NAV2: variants seen among roughly 807,000 people sequenced by gnomAD.
NAV2 encodes helicase, APC down-regulated 1.
Under a neutral mutation model 223.2 loss-of-function variants are expected in NAV2, and 54 were observed. The observed-to-expected ratio is 0.24, with a 90% CI of 0.19 to 0.30. The LOEUF (loss-of-function observed/expected upper bound fraction) is 0.30. Among genes scored for constraint, NAV2 ranks in the 10% least tolerant of loss-of-function variants. The pLI, the probability that NAV2 is intolerant of heterozygous loss-of-function variation, is 1.00. For missense variants in NAV2, 2,806 were observed against 3,147.5 expected (o/e 0.89, Z 2.60); for synonymous variants, 1,279 against 1,239.3 (o/e 1.03, Z -0.67).
At chr11:20,087,794 G>T (rs756230275) in intron 26 of NAV2, among the ~76,000 whole-genome samples, 34 of 152,102 alleles carry the variant, frequency 2.2e-4, no homozygotes, top group Non-Finnish European at 4.3e-4. Context: ...ATTTTTACAT[G>T]GTGCAGTCTT....
chr11:19,791,437 C>T (rs1372682697), intron 1 of NAV2, among the ~76,000 whole-genome samples: 4 of 152,124 alleles, frequency 2.6e-5, no homozygotes, highest in Non-Finnish European at 5.9e-5. Context: ...AGGTGTGGAG[C>T]CCCTGGGGAG....
intron 3 of NAV2, among the ~76,000 whole-genome samples, chr11:19,847,318 TAGG>T (rs1422264390): frequency 1.3e-5 from 2 of 152,178 alleles, no homozygotes; most frequent in African/African-American, 4.8e-5. Context: ...TGTTGTTGAT[TAGG>T]AGAAGTGCAA....
chr11:19,638,877 C>T (rs2047578386), intron 1 of NAV2, among the ~76,000 whole-genome samples: 2 of 152,160 alleles, frequency 1.3e-5, no homozygotes, highest in African/African-American at 4.8e-5. Context: ...CCTGTAATCC[C>T]AGCTACTCAG....
chr11:19,746,125 A>T (rs1386441012), intron 1 of NAV2, among the ~76,000 whole-genome samples: 1 of 152,240 alleles, frequency 6.6e-6, no homozygotes, highest in Non-Finnish European at 1.5e-5. Flanking sequence ...ATAGAATCAT[A>T]GGGTCAGGTC....
At chr11:19,862,502 G>A (rs757528651) in intron 3 of NAV2, among the ~76,000 whole-genome samples, 53 of 152,350 alleles carry the variant, frequency 3.5e-4, no homozygotes, top group East Asian at 1.5e-3. Flanking sequence ...ATGACAGGAC[G>A]AAGTTGGCTT....
intron 20 of NAV2, among the ~76,000 whole-genome samples, chr11:20,066,063 G>C (rs2059026332): frequency 6.6e-6 from 1 of 152,184 alleles, no homozygotes; most frequent in Non-Finnish European, 1.5e-5. Context: ...GAAAGCAATA[G>C]TATTAGTACC....
rs1294841592 is a variant in NAV2 at position 20,055,931 on chromosome 11, G to T, written c.4805G>T (p.Gly1602Val). The T allele has an allele frequency of 6.2e-7, 1 of 1,613,922 alleles. No homozygotes were observed. Among genetic ancestry groups the T allele is most frequent in the Non-Finnish European group, 8.5e-7 (1 of 1,180,028 alleles). Residue 1602 changes from glycine to valine, a missense_variant, in exon 19 of 38, where the codon GGC becomes GTC. Physicochemically the swap from Gly to Val is moderately radical, Grantham distance 109 (BLOSUM62 -3). Coordinates refer to ENST00000349880, the MANE Select transcript of NAV2 (RefSeq NM_145117.5). The part of the protein sequence containing the change: ...DEKSRTMSRS[G>V]SFRDGFEEVH... ...AAGAGCAGAACCATGAGCCGTTCAG[G>T]CTCATTCCGGGATGGGTTTGAAGAA...
intron 5 of NAV2, among the ~76,000 whole-genome samples, chr11:19,890,851 G>A (rs781648851): frequency 2.1e-4 from 32 of 152,194 alleles, no homozygotes; most frequent in Non-Finnish European, 1.3e-4. Flanking sequence ...TTTGTACTCC[G>A]TTCTGTGCCT....
chr11:19,443,931 C>CGTT (rs1463904680), intron 1 of NAV2, among the ~76,000 whole-genome samples: 6 of 152,010 alleles, frequency 3.9e-5, no homozygotes, highest in African/African-American at 1.5e-4. Context: ...TTATTATTAT[C>CGTT]GTTATTATTA....
chr11:20,098,703 T>G (rs1179483174), intron 31 of NAV2, among the ~76,000 whole-genome samples: 1 of 152,184 alleles, frequency 6.6e-6, no homozygotes, highest in Admixed American at 6.5e-5. Flanking sequence ...TCACACAGCC[T>G]CCTCCTGCTA....
At chr11:19,850,315 G>T (rs980560753) in intron 3 of NAV2, among the ~76,000 whole-genome samples, 1 of 152,050 alleles carries the variant, frequency 6.6e-6, no homozygotes, top group African/African-American at 2.4e-5. Context: ...CTCTCTTGTG[G>T]TTGTCTGTTT....
At chr11:19,493,254 A>C (rs1386998955) in intron 1 of NAV2, among the ~76,000 whole-genome samples, 2 of 151,846 alleles carry the variant, frequency 1.3e-5, no homozygotes, top group African/African-American at 4.8e-5. Context: ...AATTAAAGGT[A>C]TCTGCACCAC....
At chr11:19,833,869 C>T (rs1211643687) in intron 2 of NAV2, among the ~76,000 whole-genome samples, 1 of 152,164 alleles carries the variant, frequency 6.6e-6, no homozygotes, top group Non-Finnish European at 1.5e-5. Flanking sequence ...TGGAGGCCAC[C>T]ATCACCTCCT....
At chr11:19,993,719 CAGGT>C (rs1363793207) in intron 11 of NAV2, among the ~76,000 whole-genome samples, 1 of 152,182 alleles carries the variant, frequency 6.6e-6, no homozygotes, top group African/African-American at 2.4e-5. Flanking sequence ...GAAGAGTGAG[CAGGT>C]AAAATTGTCT....
intron 1 of NAV2, among the ~76,000 whole-genome samples, chr11:19,488,625 T>C (rs2046577): frequency 0.9 from 136,532 of 152,220 alleles, 63,123 homozygotes; most frequent in East Asian, 1. Flanking sequence ...ATCGTAATAC[T>C]TATTCCACAG....
intron 17 of NAV2, among the ~76,000 whole-genome samples, chr11:20,051,874 G>A (rs538931635): frequency 6.6e-6 from 1 of 152,248 alleles, no homozygotes; most frequent in South Asian, 2.1e-4. Flanking sequence ...AACAAGACAT[G>A]GGTGTGATCA....
Position 19,731,900 on chromosome 11 carries a change from G to T in NAV2, c.267+17938G>T, listed in dbSNP as rs149203575. ...TGTGAAGTCAGAGGTAGGAGTTGAA[G>T]GATAGGGAAAATACAGAGGGGTTAG... On this transcript the variant is annotated intron_variant, in intron 1 of 37. Transcript: ENST00000349880. Among the ~76,000 whole-genome samples the T allele has an allele frequency of 2.6e-3, 397 of 152,308 alleles. 1 individual carries two copies. Among genetic ancestry groups the T allele is most frequent in the African/African-American group, 8.9e-3 (369 of 41,568 alleles).
At chr11:19,588,409 C>G (rs1057214838) in intron 1 of NAV2, among the ~76,000 whole-genome samples, 6 of 152,152 alleles carry the variant, frequency 3.9e-5, no homozygotes, top group African/African-American at 1.4e-4. Flanking sequence ...GCAAAAATGA[C>G]CCAGCTTGTG....
intron 1 of NAV2, among the ~76,000 whole-genome samples, chr11:19,676,481 GAA>G (rs3043464): frequency 0.75 from 113,803 of 151,300 alleles, 46,889 homozygotes; most frequent in Non-Finnish European, 0.91. Flanking sequence ...ACCTCTCCCT[GAA>G]AAAAAAAAAA....
Sources: allele counts gnomAD v4.1 joint callset (sites outside exome capture counted in the v4.1 genomes callset), GRCh38; gene constraint gnomAD v4.1.1; transcripts MANE v1.5; gene names NCBI Gene and HGNC (gene_info 2026-07-23, HGNC 2026-07-21).